Variants in DPP8 observed in about 807,000 individuals in gnomAD.
The protein encoded by DPP8 is dipeptidyl peptidase 8.
DPP8 carries 31 observed loss-of-function variants against 107.5 expected under a neutral mutation model. That is an observed-to-expected ratio of 0.29 (90% CI 0.22 to 0.39). DPP8 has a LOEUF of 0.39. DPP8 is among the 10% of genes least tolerant of loss of function. The pLI, the probability that DPP8 is intolerant of heterozygous loss-of-function variation, is 1.00. For synonymous variants in DPP8, 381 were observed against 356.6 expected (o/e 1.07, Z -0.77); for missense variants, 842 against 1,076.1 (o/e 0.78, Z 3.04).
At chr15:65,492,239 G>C (rs1000438688) in intron 5 of DPP8, among the ~76,000 whole-genome samples, 1 of 152,048 alleles carries the variant, frequency 6.6e-6, no homozygotes, top group Non-Finnish European at 1.5e-5. Flanking sequence ...TTACTCGGGA[G>C]GCTGAGGTAG....
rs752151025 is a variant in DPP8 at position 65,490,347 on chromosome 15, T to C, written c.716-48A>G. 5.4e-5 allele frequency: 63 copies of C among 1,174,988 alleles called. No individual in the cohort carries two copies. The African/African-American group carries it at 7.8e-4, about 15-fold the overall frequency. The allele number at this position is 1,174,988 out of a possible 1,614,324, so 72.8% of individuals were successfully genotyped here. ...ATTATCACAGAAAGCTATCTTTTCA[T>C]AGGTACAAAGCAAAATGATTCAGTT... On this transcript the variant is annotated intron_variant, in intron 5 of 19. Coordinates refer to ENST00000300141, the MANE Select transcript of DPP8 (RefSeq NM_130434.5).
chr15:65,493,393 T>C lies in DPP8; in HGVS notation c.716-3094A>G, dbSNP rs2068242881. Among the ~76,000 whole-genome samples, 3 of 152,304 alleles carry C rather than the reference T, an allele frequency of 2.0e-5. No homozygotes were observed. In the South Asian group the frequency reaches 6.2e-4, roughly 32 times the overall value. On this transcript the variant is annotated intron_variant, in intron 5 of 19. Coordinates refer to ENST00000300141, the MANE Select transcript of DPP8 (RefSeq NM_130434.5). ...CACCGTGCCCGGCCAAGATTTTTCATATATTGTACATCTACCATAATACAT... is the reference window on the plus strand; with the variant it reads ...CACCGTGCCCGGCCAAGATTTTTCACATATTGTACATCTACCATAATACAT...
chr15:65,510,483 A>T (rs929128859), intron 2 of DPP8, among the ~76,000 whole-genome samples: 10 of 152,170 alleles, frequency 6.6e-5, no homozygotes, highest in Non-Finnish European at 1.5e-4. Flanking sequence ...AACCCAAACC[A>T]ATTAAAAAAC....
intron 3 of DPP8, among the ~76,000 whole-genome samples, chr15:65,502,993 G>A (rs893478703): frequency 7.9e-5 from 12 of 152,148 alleles, no homozygotes; most frequent in Non-Finnish European, 1.6e-4. Context: ...GAGTAAATGC[G>A]TATCAAAATT....
At chr15:65,478,709 G>A (rs2066628050) in intron 11 of DPP8, among the ~76,000 whole-genome samples, 171 bp downstream of exon 11, 1 of 152,090 alleles carries the variant, frequency 6.6e-6, no homozygotes, top group Non-Finnish European at 1.5e-5. Flanking sequence ...TAAGAACATT[G>A]TCCTGTGTTT....
At chr15:65,449,492 C>G (rs1018366092) in intron 19 of DPP8, among the ~76,000 whole-genome samples, 1 of 151,792 alleles carries the variant, frequency 6.6e-6, no homozygotes, top group African/African-American at 2.4e-5. Context: ...TCACTGCAAC[C>G]TCTGCCTCCC....
chr15:65,486,802 A>C (rs1297508808), intron 7 of DPP8, among the ~76,000 whole-genome samples: 1 of 152,154 alleles, frequency 6.6e-6, no homozygotes, highest in African/African-American at 2.4e-5. Flanking sequence ...AGGCATAAGA[A>C]TGATATAATG....
At chr15:65,452,198 C>A in intron 17 of DPP8, 96 bp from the exon 18 acceptor site, 1 of 1,415,022 alleles carries the variant, frequency 7.1e-7, no homozygotes, top group Non-Finnish European at 9.5e-7. Flanking sequence ...CTAAAATTAT[C>A]CTTAAGCTTT....
chr15:65,449,259 T>A (rs989597199), intron 19 of DPP8, among the ~76,000 whole-genome samples: 61 of 146,296 alleles, frequency 4.2e-4, no homozygotes, highest in African/African-American at 1.3e-3. Flanking sequence ...AATTTAAAAA[T>A]ATATATATAA....
rs752434299 is a variant in DPP8, at chr15:65,444,022, T to C, written c.*2862A>G. 6.6e-5 allele frequency: 10 copies of C among 152,548 alleles called. No individual in the cohort carries two copies. Among genetic ancestry groups the C allele is most frequent in the Non-Finnish European group, 1.3e-4 (9 of 68,292 alleles). The allele number at this position is 152,548 out of a possible 1,614,324, so 9.4% of individuals were successfully genotyped here. On this transcript the variant is annotated 3_prime_UTR_variant, in exon 20 of 20. Transcript: ENST00000300141. The stretch of plus-strand genomic sequence containing the variant: ...ACTTCCGCCTCCCAGGTTCAAGCGA[T>C]TCTCCTGCCTCAGCCTCCCGAGTAG...
At chr15:65,467,277 T>C (rs375992766) in intron 12 of DPP8, 54 bp from the exon 13 acceptor site, 14 of 1,577,530 alleles carry the variant, frequency 8.9e-6, no homozygotes, top group East Asian at 2.2e-5. Context: ...TTGGCAAAGC[T>C]AACCCCCAAT....
chr15:65,509,488 A>G (rs142527497), intron 2 of DPP8, among the ~76,000 whole-genome samples: 1 of 152,182 alleles, frequency 6.6e-6, no homozygotes, highest in East Asian at 1.9e-4. Context: ...TTCTTTCCTA[A>G]TGGTATTTAT....
chr15:65,456,310 G>A lies in DPP8; in HGVS notation c.2033C>T (p.Ser678Phe), dbSNP rs2064414412. 1 of 1,614,006 alleles carries A rather than the reference G, an allele frequency of 6.2e-7. No homozygotes were observed. The highest frequency in any genetic ancestry group is 8.5e-7 in the Non-Finnish European group (1 of 1,179,908). ...TATCACTACAACCACATAACCTAGA[G>A]AGGCTAGGGTATTCAAGCGGAAATA... ...VKYFRLNTLA[S>F]LGYVVVVIDN... The change falls in exon 16 of 20, where the codon TCT becomes TTT. Residue 678 changes from serine to phenylalanine, a missense_variant. By Grantham distance (155) the Ser-to-Phe change is radical. Transcript: ENST00000300141.
intron 12 of DPP8, among the ~76,000 whole-genome samples, chr15:65,471,627 C>T (rs1216468640): frequency 6.6e-6 from 1 of 151,174 alleles, no homozygotes; most frequent in Non-Finnish European, 1.5e-5. Context: ...GCTGCAATTA[C>T]AGGTATGCCC....
intron 6 of DPP8, among the ~76,000 whole-genome samples, chr15:65,488,603 C>CAAAAAAAAAAAAA (rs1166493197): frequency 2.7e-4 from 12 of 45,274 alleles, no homozygotes; most frequent in African/African-American, 1.0e-3. Flanking sequence ...GACCCTGCCT[C>CAAAAAAAAAAAAA]AAAAAAAAAA....
At chr15:65,455,443 T>A (rs2064333261) in intron 16 of DPP8, 1 of 202,622 alleles carries the variant, frequency 4.9e-6, no homozygotes, top group East Asian at 1.4e-4. Context: ...CTACTTCTCC[T>A]TTTTAATTTT....
intron 10 of DPP8, among the ~76,000 whole-genome samples, chr15:65,479,751 G>C (rs1218058268): frequency 6.6e-6 from 1 of 150,808 alleles, no homozygotes; most frequent in Non-Finnish European, 1.5e-5. Flanking sequence ...GGCTGAGGCA[G>C]GAGAATGGCG....
intron 15 of DPP8, among the ~76,000 whole-genome samples, chr15:65,460,430 G>C (rs1025707545): frequency 2.6e-5 from 4 of 151,690 alleles, no homozygotes; most frequent in South Asian, 2.1e-4. Flanking sequence ...AAGACAGAGC[G>C]AGACTGTCTC....
At chr15:65,448,712 A>G (rs2063672290) in intron 19 of DPP8, among the ~76,000 whole-genome samples, 1 of 141,204 alleles carries the variant, frequency 7.1e-6, no homozygotes, top group South Asian at 2.2e-4. Context: ...TATAAAATGT[A>G]CATATATATA....
Sources: gnomAD v4.1 joint callset for allele counts (sites outside exome capture counted in the v4.1 genomes callset) on GRCh38, gnomAD v4.1.1 for gene constraint, MANE v1.5 for transcripts, NCBI Gene and HGNC (gene_info 2026-07-23, HGNC 2026-07-21) for gene names.